Variants in FAM13C observed in about 807,000 individuals in gnomAD.
FAM13C encodes family with sequence similarity 13 member C, also known as protein FAM13C.
A neutral mutation model predicts 73.2 loss-of-function variants in FAM13C; 37 were observed. The ratio of observed to expected loss-of-function variants is 0.51; its 90% CI spans 0.39 to 0.67. The LOEUF is 0.67. FAM13C is among the 30% of genes least tolerant of loss of function. FAM13C has a pLI of 0.00. For synonymous variants in FAM13C, 246 were observed against 260.9 expected, an observed-to-expected ratio of 0.94 and a Z score of 0.55; for missense variants, 589 against 715.6, an observed-to-expected ratio of 0.82 and a Z score of 2.02.
chr10:59,295,814 A>C (rs1251516265), intron 5 of FAM13C, among the ~76,000 whole-genome samples: 2 of 152,230 alleles, frequency 1.3e-5, no homozygotes, highest in African/African-American at 4.8e-5. Context: ...AAGAACCCAG[A>C]GATAGAAATA....
At chr10:59,330,893 G>A (rs563882987) in intron 3 of FAM13C, among the ~76,000 whole-genome samples, 11 of 152,186 alleles carry the variant, frequency 7.2e-5, no homozygotes, top group Middle Eastern at 3.4e-3. Flanking sequence ...CCTGAGCCCC[G>A]AAATACACCT....
chr10:59,255,853 T>C (rs1285815598), intron 10 of FAM13C, among the ~76,000 whole-genome samples: 1 of 152,202 alleles, frequency 6.6e-6, no homozygotes, highest in African/African-American at 2.4e-5. Flanking sequence ...TGTTTCAGTA[T>C]TGTCTGCCCA....
chr10:59,303,398 G>A (rs1394639336), intron 4 of FAM13C, among the ~76,000 whole-genome samples: 3 of 152,144 alleles, frequency 2.0e-5, no homozygotes, highest in Non-Finnish European at 2.9e-5. Flanking sequence ...TAAAGTGTAA[G>A]CTCCAAGGAG....
chr10:59,257,029 T>C (rs990390379), intron 10 of FAM13C, among the ~76,000 whole-genome samples: 3 of 152,158 alleles, frequency 2.0e-5, no homozygotes, highest in African/African-American at 7.2e-5. Flanking sequence ...GGTTACACGT[T>C]GAATAACCTA....
At chr10:59,327,082 G>A (rs972367114) in intron 3 of FAM13C, among the ~76,000 whole-genome samples, 2 of 152,098 alleles carry the variant, frequency 1.3e-5, no homozygotes, top group African/African-American at 4.8e-5. Context: ...GAACAGATGT[G>A]TGCATTGGCA....
At chr10:59,345,725 A>G (rs1589700622) in intron 3 of FAM13C, among the ~76,000 whole-genome samples, 3 of 152,160 alleles carry the variant, frequency 2.0e-5, no homozygotes, top group African/African-American at 7.2e-5. Context: ...AATCTTCACC[A>G]TTTTATCTTG....
At chr10:59,307,982 A>T (rs555058171) in intron 4 of FAM13C, among the ~76,000 whole-genome samples, 20 of 152,286 alleles carry the variant, frequency 1.3e-4, no homozygotes, top group African/African-American at 3.6e-4. Flanking sequence ...TCTTTTTAAG[A>T]TCCTTAACGA....
At chr10:59,344,793 C>A (rs1854078543) in intron 3 of FAM13C, among the ~76,000 whole-genome samples, 1 of 152,108 alleles carries the variant, frequency 6.6e-6, no homozygotes, top group South Asian at 2.1e-4. Context: ...ATAGACCATG[C>A]ATTTTACCAC....
chr10:59,250,551 G>T (rs1841272040), intron 13 of FAM13C, among the ~76,000 whole-genome samples: 1 of 152,176 alleles, frequency 6.6e-6, no homozygotes, highest in Non-Finnish European at 1.5e-5. Flanking sequence ...TGGAAAACCT[G>T]CCAGGGACTA....
chr10:59,269,791 G>T, intron 7 of FAM13C, 108 bp downstream of exon 7: 1 of 1,312,842 alleles, frequency 7.6e-7, no homozygotes. Flanking sequence ...TCGCAGTTGC[G>T]TTAGGCAGGC....
At chr10:59,311,578 C>T (rs1042653968) in intron 4 of FAM13C, among the ~76,000 whole-genome samples, 4 of 152,192 alleles carry the variant, frequency 2.6e-5, no homozygotes, top group African/African-American at 9.7e-5. Context: ...GTAACCAATA[C>T]TTCAGCTCCA....
At chr10:59,268,194 T>C (rs971115111) in intron 8 of FAM13C, among the ~76,000 whole-genome samples, 11 of 146,668 alleles carry the variant, frequency 7.5e-5, no homozygotes, top group African/African-American at 2.8e-4. Context: ...CAAAATGCAA[T>C]TGAGAAAAAG....
At chr10:59,353,421 T>C (rs1014094982) in intron 2 of FAM13C, among the ~76,000 whole-genome samples, 2 of 152,178 alleles carry the variant, frequency 1.3e-5, no homozygotes, top group Non-Finnish European at 2.9e-5. Context: ...ACAATCACTG[T>C]CACTAGAACA....
rs192069770 is a variant in FAM13C, at chr10:59,331,869, T to C, written c.325-7763A>G. Reference sequence around the variant, plus strand: ...CAAATCTCTAAGTGGGAAAATGTGGTGAAAGCTATTGCTGTTCCATGAGAT... The same window carrying C: ...CAAATCTCTAAGTGGGAAAATGTGGCGAAAGCTATTGCTGTTCCATGAGAT... On this transcript the variant is annotated intron_variant, in intron 3 of 13. Transcript: ENST00000618804. 5.7e-3 allele frequency among the ~76,000 whole-genome samples: 865 copies of C among 152,222 alleles called. 7 individuals are homozygous for C. The highest frequency in any genetic ancestry group is 0.02 in the African/African-American group (826 of 41,546).
rs1166557937 is a variant in FAM13C, at chr10:59,327,624, C to T, written c.325-3518G>A. ...AGGAAATAAATAACACATTTGATTA[C>T]CTTTGCCCATTTAAGCTTCATCACT... On this transcript the variant is annotated intron_variant, in intron 3 of 13. Transcript: ENST00000618804. The T allele has an allele frequency of 7.1e-5, 10 of 140,392 alleles. No individual in the cohort carries two copies. In the Admixed American group the frequency reaches 7.7e-4, roughly 11 times the overall value. The allele number at this position is 140,392 out of a possible 1,614,324, so 8.7% of individuals were successfully genotyped here. A position where few individuals can be genotyped will look rare whatever the true frequency, so the allele number is the denominator to read the frequency against.
At chr10:59,257,825 G>A (rs1842090065) in intron 10 of FAM13C, among the ~76,000 whole-genome samples, 1 of 152,160 alleles carries the variant, frequency 6.6e-6, no homozygotes, top group African/African-American at 2.4e-5. Context: ...CATGAGTTCA[G>A]ATAACCAGCT....
chr10:59,324,831 A>C (rs1850871338), intron 3 of FAM13C, among the ~76,000 whole-genome samples: 1 of 152,154 alleles, frequency 6.6e-6, no homozygotes, highest in Non-Finnish European at 1.5e-5. Flanking sequence ...TGGGTTATCC[A>C]TGATGCAATT....
intron 8 of FAM13C, among the ~76,000 whole-genome samples, chr10:59,265,313 G>GAGGA: frequency 3.3e-5 from 2 of 59,752 alleles, no homozygotes; most frequent in African/African-American, 1.3e-4. Context: ...GATAGGGAAG[G>GAGGA]GGTTTTGGCG....
At chr10:59,269,725 G>A (rs541527042) in intron 7 of FAM13C, among the ~76,000 whole-genome samples, 174 bp downstream of exon 7, 11 of 152,054 alleles carry the variant, frequency 7.2e-5, no homozygotes, top group Non-Finnish European at 1.3e-4. Context: ...ATCAAGGCCT[G>A]CAATGGCATC....
Sources: gnomAD v4.1 joint callset for allele counts (sites outside exome capture counted in the v4.1 genomes callset) on GRCh38, gnomAD v4.1.1 for gene constraint, MANE v1.5 for transcripts, NCBI Gene and HGNC (gene_info 2026-07-23, HGNC 2026-07-21) for gene names.